NRG1: variants seen among roughly 807,000 people sequenced by gnomAD.
NRG1 encodes neuregulin 1.
Under a neutral mutation model 63.8 loss-of-function variants are expected in NRG1, and 18 were observed. The ratio of observed to expected loss-of-function variants is 0.28; its 90% CI spans 0.19 to 0.42. NRG1 has a LOEUF of 0.42. NRG1 is among the 10% of genes least tolerant of loss of function. The pLI is 1.00. For missense variants in NRG1, 762 were observed against 814.7 expected (o/e 0.94, Z 0.79); for synonymous variants, 302 against 301.3 (o/e 1.00, Z -0.02).
chr8:32,145,944 G>A (rs1180348511), intron 1 of NRG1, among the ~76,000 whole-genome samples: 1 of 152,148 alleles, frequency 6.6e-6, no homozygotes, highest in African/African-American at 2.4e-5. Flanking sequence ...CAGTTTTTAT[G>A]GGAGGTGATG....
Position 32,282,939 on chromosome 8 carries a change from A to T in NRG1, c.38-312889A>T, listed in dbSNP as rs78596658. Among the ~76,000 whole-genome samples, 63 of 152,248 alleles carry T rather than the reference A, an allele frequency of 4.1e-4. No homozygotes were observed. In the East Asian group the frequency reaches 0.011, roughly 28 times the overall value. On this transcript the variant is annotated intron_variant, in intron 1 of 10. Transcript: ENST00000519301. ...AAGGCATTTGGTGTTGCTTAGATGT[A>T]CATGTTTTGTAGTATATATATGTGG...
At chr8:32,341,346 T>C (rs1313029041) in intron 1 of NRG1, among the ~76,000 whole-genome samples, 1 of 152,200 alleles carries the variant, frequency 6.6e-6, no homozygotes, top group East Asian at 1.9e-4. Context: ...CCAACATCCT[T>C]TGGCAGAGAA....
intron 1 of NRG1, among the ~76,000 whole-genome samples, chr8:32,505,907 G>A (rs140796059): frequency 2.6e-5 from 4 of 152,266 alleles, no homozygotes; most frequent in East Asian, 1.9e-4. Context: ...GACTGACAGC[G>A]AGCACCTCCA....
At chr8:31,769,196 C>T (rs1255610070) in intron 1 of NRG1, among the ~76,000 whole-genome samples, 2 of 152,120 alleles carry the variant, frequency 1.3e-5, no homozygotes, top group Non-Finnish European at 2.9e-5. Context: ...ATAAATACTT[C>T]AATAATTTAC....
At chr8:31,667,585 CT>C (rs1806682545) in intron 1 of NRG1, among the ~76,000 whole-genome samples, 1 of 152,134 alleles carries the variant, frequency 6.6e-6, no homozygotes, top group Admixed American at 6.5e-5. Flanking sequence ...TGCACTGTGA[CT>C]TAGCATGGCT....
chr8:32,088,521 C>CT (rs35307615), intron 1 of NRG1, among the ~76,000 whole-genome samples: 130,864 of 143,066 alleles, frequency 0.91, 60,134 homozygotes, highest in East Asian at 0.99. Flanking sequence ...CAAGTCATCA[C>CT]TTTTTTTTTT....
chr8:32,167,551 C>T (rs985476787), intron 1 of NRG1, among the ~76,000 whole-genome samples: 4 of 152,302 alleles, frequency 2.6e-5, no homozygotes, highest in African/African-American at 9.6e-5. Context: ...CCCAGATCTA[C>T]CTTTCTTCAC....
At chr8:32,347,436 A>G (rs938278586) in intron 1 of NRG1, among the ~76,000 whole-genome samples, 3 of 152,136 alleles carry the variant, frequency 2.0e-5, no homozygotes, top group Non-Finnish European at 4.4e-5. Flanking sequence ...AAATAGTCTC[A>G]ATACATATTA....
At chr8:32,104,167 C>T (rs1218031771) in intron 1 of NRG1, among the ~76,000 whole-genome samples, 1 of 152,132 alleles carries the variant, frequency 6.6e-6, no homozygotes, top group East Asian at 1.9e-4. Context: ...ACATACTAGG[C>T]TTATGTGGTC....
intron 1 of NRG1, among the ~76,000 whole-genome samples, chr8:32,236,565 G>T (rs908557378): frequency 2.0e-5 from 3 of 152,114 alleles, no homozygotes; most frequent in African/African-American, 7.2e-5. Context: ...AGTAGGGATG[G>T]AAATGGGTTA....
intron 1 of NRG1, among the ~76,000 whole-genome samples, chr8:32,122,913 T>A (rs1365900523): frequency 6.6e-6 from 1 of 151,948 alleles, no homozygotes; most frequent in East Asian, 1.9e-4. Context: ...CTGAGAATGA[T>A]GATTTCCATT....
At chr8:32,114,386 A>G (rs536475828) in intron 1 of NRG1, among the ~76,000 whole-genome samples, 1 of 152,186 alleles carries the variant, frequency 6.6e-6, no homozygotes, top group Non-Finnish European at 1.5e-5. Context: ...AACCTCTGGC[A>G]TTCCTCTTTT....
At chr8:31,987,644 A>G (rs1810320395) in intron 1 of NRG1, among the ~76,000 whole-genome samples, 2 of 151,976 alleles carry the variant, frequency 1.3e-5, no homozygotes, top group Non-Finnish European at 2.9e-5. Flanking sequence ...ATCCGGTACT[A>G]TGCTCTCTAC....
At chr8:31,786,688 C>T (rs1820205753) in intron 1 of NRG1, among the ~76,000 whole-genome samples, 1 of 152,174 alleles carries the variant, frequency 6.6e-6, no homozygotes, top group Non-Finnish European at 1.5e-5. Context: ...CACTTACTTA[C>T]ATTTACCATT....
At chr8:31,731,937 T>G (rs1164295295) in intron 1 of NRG1, among the ~76,000 whole-genome samples, 1 of 152,252 alleles carries the variant, frequency 6.6e-6, no homozygotes, top group Non-Finnish European at 1.5e-5. Context: ...GTCATGGGGT[T>G]GCTGTGAAGA....
intron 1 of NRG1, among the ~76,000 whole-genome samples, chr8:32,142,168 G>A (rs1390687853): frequency 6.6e-6 from 1 of 152,178 alleles, no homozygotes; most frequent in African/African-American, 2.4e-5. Flanking sequence ...TGAACTGATA[G>A]AGGGATGGGT....
chr8:32,595,330 C>A (rs1843165633), intron 1 of NRG1, among the ~76,000 whole-genome samples: 2 of 152,040 alleles, frequency 1.3e-5, no homozygotes, highest in Admixed American at 6.6e-5. Flanking sequence ...GCCGGGACTA[C>A]AGGCACATGC....
chr8:32,263,789 C>T (rs1017501444), intron 1 of NRG1, among the ~76,000 whole-genome samples: 4 of 152,288 alleles, frequency 2.6e-5, no homozygotes, highest in East Asian at 1.9e-4. Context: ...TTTCTTAATT[C>T]GTCATCAGTG....
chr8:32,140,178 G>A (rs1836060426), intron 1 of NRG1, among the ~76,000 whole-genome samples: 1 of 152,138 alleles, frequency 6.6e-6, no homozygotes, highest in Non-Finnish European at 1.5e-5. Context: ...GGTCAGGGCA[G>A]TCCTTCATGA....
Sources: gnomAD v4.1 joint callset for allele counts (sites outside exome capture counted in the v4.1 genomes callset) on GRCh38, gnomAD v4.1.1 for gene constraint, MANE v1.5 for transcripts, NCBI Gene and HGNC (gene_info 2026-07-23, HGNC 2026-07-21) for gene names.